TLN2: variants seen among roughly 807,000 people sequenced by gnomAD.
The protein encoded by TLN2 is talin-2.
A neutral mutation model predicts 294.7 loss-of-function variants in TLN2; 118 were observed. The ratio of observed to expected loss-of-function variants is 0.40; its 90% CI spans 0.34 to 0.47. TLN2 has a LOEUF of 0.47. Ranked by LOEUF, TLN2 falls within the 20% of genes least tolerant of loss-of-function variation. The probability of loss-of-function intolerance (pLI) is 0.84; values close to 1 mark genes in which losing one functional copy is unlikely to be tolerated. For synonymous variants in TLN2, 1,431 were observed against 1,304.5 expected (o/e 1.10, Z -2.09); for missense variants, 3,083 against 3,282.2 (o/e 0.94, Z 1.48).
intron 9 of TLN2, among the ~76,000 whole-genome samples, chr15:62,667,497 C>T (rs888506111): frequency 6.6e-6 from 1 of 152,160 alleles, no homozygotes; most frequent in Non-Finnish European, 1.5e-5. Context: ...AGTGGATACT[C>T]TGCTGCTTTG....
chr15:62,517,425 A>G (rs1252269099), intron 1 of TLN2, among the ~76,000 whole-genome samples: 4 of 152,334 alleles, frequency 2.6e-5, no homozygotes, highest in African/African-American at 9.6e-5. Flanking sequence ...AAACATAAAG[A>G]TATCCCAAAC....
intron 1 of TLN2, among the ~76,000 whole-genome samples, chr15:62,467,273 A>G (rs2037189109): frequency 6.6e-6 from 1 of 152,218 alleles, no homozygotes; most frequent in Non-Finnish European, 1.5e-5. Context: ...AAGGAGAGAG[A>G]CAAAATTTTT....
At position 62,588,556 on chromosome 15, in the gene TLN2, C is replaced by T. The variant is rs547431108; in HGVS notation, c.-237-1131C>T. Among the ~76,000 whole-genome samples, 6 of 150,612 alleles carry T rather than the reference C, an allele frequency of 4.0e-5. No individual in the cohort carries two copies. In the South Asian group the frequency reaches 8.5e-4, roughly 21 times the overall value. ...CTGAAGCAGGAGAGTTGCTTGGACC[C>T]GGAAGGCGGAGATAACAGTGAGCCG... On this transcript the variant is annotated intron_variant, in intron 1 of 58. Coordinates refer to ENST00000636159, the MANE Select transcript of TLN2 (RefSeq NM_015059.3).
chr15:62,612,987 T>A (rs2048036914), intron 2 of TLN2, among the ~76,000 whole-genome samples: 1 of 152,192 alleles, frequency 6.6e-6, no homozygotes, highest in Non-Finnish European at 1.5e-5. Context: ...CATTTAGGAA[T>A]GTATAACTGG....
intron 32 of TLN2, among the ~76,000 whole-genome samples, chr15:62,747,518 AT>A (rs959531118): frequency 2.6e-4 from 40 of 152,194 alleles, no homozygotes; most frequent in African/African-American, 8.4e-4. Flanking sequence ...TATTTTGTAC[AT>A]TTTTTATCTT....
intron 3 of TLN2, among the ~76,000 whole-genome samples, chr15:62,636,279 T>TAGAC (rs2050376628): frequency 7.3e-6 from 1 of 136,800 alleles, no homozygotes; most frequent in Non-Finnish European, 1.6e-5. Context: ...GATAGATAGA[T>TAGAC]AGAGTTTAAC....
At chr15:62,404,848 C>G (rs1441642227) in intron 1 of TLN2, among the ~76,000 whole-genome samples, 1 of 152,130 alleles carries the variant, frequency 6.6e-6, no homozygotes, top group African/African-American at 2.4e-5. Flanking sequence ...GGAGCTTGCC[C>G]TGTGGGTAAA....
At chr15:62,532,460 T>A (rs775537395) in intron 1 of TLN2, among the ~76,000 whole-genome samples, 1 of 152,166 alleles carries the variant, frequency 6.6e-6, no homozygotes, top group African/African-American at 2.4e-5. Flanking sequence ...TGGATTGTTA[T>A]GTGGTTCCCA....
At chr15:62,728,964 G>A (rs1384315485) in intron 28 of TLN2, among the ~76,000 whole-genome samples, 2 of 152,148 alleles carry the variant, frequency 1.3e-5, no homozygotes, top group Admixed American at 6.5e-5. Context: ...GTATTCTAGA[G>A]CTTCAGTGTT....
chr15:62,441,938 C>A (rs1190620938), intron 1 of TLN2, among the ~76,000 whole-genome samples: 1 of 152,146 alleles, frequency 6.6e-6, no homozygotes, highest in Non-Finnish European at 1.5e-5. Context: ...TCGCCCTAAG[C>A]ATCTCTTCTA....
intron 2 of TLN2, among the ~76,000 whole-genome samples, chr15:62,595,815 T>C (rs2046451734): frequency 6.6e-6 from 1 of 152,144 alleles, no homozygotes; most frequent in Admixed American, 6.6e-5. Context: ...GAAAGACAAA[T>C]ACCCGTGTTC....
intron 12 of TLN2, among the ~76,000 whole-genome samples, chr15:62,690,919 C>G (rs2141060797): frequency 6.6e-6 from 1 of 151,378 alleles, no homozygotes; most frequent in South Asian, 2.1e-4. Context: ...CAGGCTGAGG[C>G]AGGAGAATCA....
intron 1 of TLN2, among the ~76,000 whole-genome samples, chr15:62,458,898 G>C (rs558854988): frequency 6.6e-5 from 10 of 152,142 alleles, no homozygotes; most frequent in Admixed American, 2.6e-4. Flanking sequence ...CCTCTCTGGT[G>C]GCTAGAAGAC....
Position 62,714,204 on chromosome 15 carries a change from T to C in TLN2, c.2634+2127T>C, listed in dbSNP as rs1246267425. On this transcript the variant is annotated intron_variant, in intron 22 of 58. Transcript: ENST00000636159. ...CAATGTGCACGTTTTTTTTTTTTTTTTTTTCTTTTTTTTTTTGAGACAGAG... is the reference window on the plus strand; with the variant it reads ...CAATGTGCACGTTTTTTTTTTTTTTCTTTTCTTTTTTTTTTTGAGACAGAG... Among the ~76,000 whole-genome samples, 13 of 46,878 alleles carry C rather than the reference T, an allele frequency of 2.8e-4. No homozygotes were observed. The East Asian group carries it at 0.012, about 43-fold the overall frequency. 30.8% of individuals were successfully genotyped at this position (46,878 alleles called of 152,430 possible). A position where few individuals can be genotyped will look rare whatever the true frequency, so the allele number is the denominator to read the frequency against.
rs2062073231 is a variant in TLN2, at chr15:62,753,851, A to G, written c.4411A>G (p.Arg1471Gly). 4 of 1,611,844 alleles carry G rather than the reference A, an allele frequency of 2.5e-6. No individual in the cohort carries two copies. Among genetic ancestry groups the G allele is most frequent in the Non-Finnish European group, 3.4e-6 (4 of 1,179,172 alleles). The change falls in exon 36 of 59, where the codon AGG becomes GGG. Residue 1471 changes from arginine to glycine, a missense_variant. Transcript: ENST00000636159. ...CCTGGTGGACCCCATCCAGTTTGCC[A>G]GGGCTAACCAGGCCATCCAGATGGC... ...QGLVDPIQFA[R>G]ANQAIQMACQ...
chr15:62,519,288 T>C (rs1353935116), intron 1 of TLN2, among the ~76,000 whole-genome samples: 1 of 152,222 alleles, frequency 6.6e-6, no homozygotes, highest in Non-Finnish European at 1.5e-5. Flanking sequence ...GTGGGGGTAG[T>C]TAAGTACCTC....
chr15:62,527,658 C>A (rs2040814050), intron 1 of TLN2, among the ~76,000 whole-genome samples: 1 of 152,228 alleles, frequency 6.6e-6, no homozygotes, highest in African/African-American at 2.4e-5. Context: ...ACAGATTTTA[C>A]TTCAACTGGG....
intron 1 of TLN2, among the ~76,000 whole-genome samples, chr15:62,427,726 T>C (rs1462599059): frequency 6.6e-6 from 1 of 152,138 alleles, no homozygotes; most frequent in Non-Finnish European, 1.5e-5. Context: ...CAGTTTCTGC[T>C]CCCTGGCCAT....
At chr15:62,750,295 A>T (rs2061855364) in intron 33 of TLN2, 107 bp from the exon 34 acceptor site, 7 of 890,426 alleles carry the variant, frequency 7.9e-6, no homozygotes, top group South Asian at 5.6e-5. Flanking sequence ...AGTGATCATG[A>T]CCAGAAACTT....
Sources: allele counts gnomAD v4.1 joint callset (sites outside exome capture counted in the v4.1 genomes callset), GRCh38; gene constraint gnomAD v4.1.1; transcripts MANE v1.5; gene names NCBI Gene and HGNC (gene_info 2026-07-23, HGNC 2026-07-21).